Variants in PCDHA7 observed in about 807,000 individuals in gnomAD.
PCDHA7 encodes the protein protocadherin alpha-7.
PCDHA7 carries 37 observed loss-of-function variants against 57.2 expected under a neutral mutation model. The ratio of observed to expected loss-of-function variants is 0.65; its 90% CI spans 0.50 to 0.85. PCDHA7 has a LOEUF of 0.85. PCDHA7 is among the 40% of genes least tolerant of loss of function. PCDHA7 has a pLI of 0.00. For missense variants in PCDHA7, 1,188 were observed against 1,241.8 expected (o/e 0.96, Z 0.65); for synonymous variants, 553 against 558.8 (o/e 0.99, Z 0.15).
intron 1 of PCDHA7, among the ~76,000 whole-genome samples, chr5:140,898,157 G>T (rs1455235992): frequency 2.6e-5 from 4 of 152,162 alleles, no homozygotes; most frequent in African/African-American, 7.2e-5. Flanking sequence ...CACGCTGATG[G>T]TGGTTTCTTT....
At chr5:140,914,542 T>C (rs1323797101) in intron 1 of PCDHA7, among the ~76,000 whole-genome samples, 2 of 152,202 alleles carry the variant, frequency 1.3e-5, no homozygotes, top group Non-Finnish European at 2.9e-5. Context: ...ACTTTATTTC[T>C]TTTTATTGGA....
chr5:140,907,708 C>T (rs1477501652), intron 1 of PCDHA7, among the ~76,000 whole-genome samples: 1 of 152,142 alleles, frequency 6.6e-6, no homozygotes, highest in East Asian at 1.9e-4. Flanking sequence ...TGTTGCTGAG[C>T]CCATGTGTAA....
At chr5:140,926,441 A>T (rs1476576189) in intron 1 of PCDHA7, 1 of 154,800 alleles carries the variant, frequency 6.5e-6, no homozygotes, top group Non-Finnish European at 1.4e-5. Context: ...AGATCTGGGC[A>T]GCCTCAGGGC....
In PCDHA7 at chr5:140,851,928, G is replaced by A. The variant is rs1294571099; in HGVS notation, c.2355+15190G>A. 4.1e-6 allele frequency: 4 copies of A among 965,790 alleles called. 1 individual carries two copies. In the African/African-American group the frequency reaches 7.1e-5, roughly 17 times the overall value. 59.8% of individuals were successfully genotyped at this position (965,790 alleles called of 1,614,324 possible). On this transcript the variant is annotated intron_variant, in intron 1 of 3. Coordinates refer to ENST00000525929, the MANE Select transcript of PCDHA7 (RefSeq NM_018910.3). Reference sequence around the variant, plus strand: ...AATGTCACTACATGTTATGTTTCCTGAATTGTAGTATGTGACTTTCAAAAT... The same window carrying A: ...AATGTCACTACATGTTATGTTTCCTAAATTGTAGTATGTGACTTTCAAAAT...
intron 1 of PCDHA7, chr5:140,869,517 A>G: frequency 6.2e-7 from 1 of 1,614,200 alleles, no homozygotes; most frequent in Non-Finnish European, 8.5e-7. Flanking sequence ...TCAGAGAACA[A>G]AAGCTGCTGA....
At position 140,843,705 on chromosome 5, in the gene PCDHA7, A is replaced by G. The variant is rs1779053094; in HGVS notation, c.2355+6967A>G. ...GAAGAGCAAGATTTAAATGTTGATC[A>G]TGGCCTCAAAGTAAGTCCATTTAAA... On this transcript the variant is annotated intron_variant, in intron 1 of 3. Transcript: ENST00000525929. 5.7e-6 allele frequency: 9 copies of G among 1,579,940 alleles called. No individual in the cohort carries two copies. The African/African-American group carries it at 6.7e-5, about 12-fold the overall frequency.
intron 1 of PCDHA7, chr5:140,841,780 G>T: frequency 6.2e-7 from 1 of 1,613,894 alleles, no homozygotes; most frequent in South Asian, 1.1e-5. Flanking sequence ...CTCGGTTTCC[G>T]CTAGAGGGCG....
intron 1 of PCDHA7, among the ~76,000 whole-genome samples, chr5:140,874,110 C>T (rs115562650): frequency 0.024 from 3,605 of 152,160 alleles, 51 homozygotes; most frequent in Middle Eastern, 0.034. Flanking sequence ...AATTACTTAA[C>T]GTTTTATAGT....
At chr5:141,006,216 A>T (rs6897376) in intron 3 of PCDHA7, among the ~76,000 whole-genome samples, 45,154 of 145,800 alleles carry the variant, frequency 0.31, 6,982 homozygotes, top group East Asian at 0.44. Context: ...ATTTTTTTTT[A>T]AATTTTTTAT....
rs1040454233 is a variant in PCDHA7 at position 140,868,818 on chromosome 5, T to C, written c.2355+32080T>C. On this transcript the variant is annotated intron_variant, in intron 1 of 3. Transcript: ENST00000525929. ...CATAAATAAGCACGTTGGAAATATT[T>C]GGGGGAAGAAACCCAAAACACGTGA... 30 of 385,940 alleles carry C rather than the reference T, an allele frequency of 7.8e-5. No individual in the cohort carries two copies. The East Asian group carries it at 1.3e-3, about 16-fold the overall frequency. 23.9% of individuals were successfully genotyped at this position (385,940 alleles called of 1,614,324 possible).
chr5:140,980,058 A>C (rs1554241393), intron 2 of PCDHA7, among the ~76,000 whole-genome samples: 1 of 152,254 alleles, frequency 6.6e-6, no homozygotes, highest in Non-Finnish European at 1.5e-5. Context: ...ATTCAGAAGC[A>C]ATCAGTGAAG....
rs375481139 is a variant in PCDHA7 at position 140,894,977 on chromosome 5, C to T, written c.2355+58239C>T. ...AAAAATATAATTTTTTAATGTCTTA[C>T]TTTGTGACATCCTTTACCCTTTTTA... On this transcript the variant is annotated intron_variant, in intron 1 of 3. Coordinates refer to ENST00000525929, the MANE Select transcript of PCDHA7 (RefSeq NM_018910.3). Among the ~76,000 whole-genome samples the T allele has an allele frequency of 4.5e-4, 69 of 152,216 alleles. No homozygotes were observed. The South Asian group carries it at 0.014, about 30-fold the overall frequency.
At chr5:140,876,724 G>C (rs140611870) in intron 1 of PCDHA7, 4 of 1,614,128 alleles carry the variant, frequency 2.5e-6, no homozygotes, top group Non-Finnish European at 2.5e-6. Context: ...CCGCGAGAGC[G>C]TGTCGGCCTA....
At chr5:140,840,642 A>G (rs1776791475) in intron 1 of PCDHA7, among the ~76,000 whole-genome samples, 1 of 152,086 alleles carries the variant, frequency 6.6e-6, no homozygotes, top group Non-Finnish European at 1.5e-5. Flanking sequence ...ATATAGAGAA[A>G]TAGTGTAAAG....
intron 1 of PCDHA7, among the ~76,000 whole-genome samples, chr5:140,902,277 A>G (rs1257357376): frequency 1.3e-5 from 2 of 149,170 alleles, no homozygotes; most frequent in African/African-American, 5.0e-5. Flanking sequence ...GGCTCAAGCA[A>G]TCCTCCTGCC....
chr5:140,837,864 A>G (rs1279625431), intron 1 of PCDHA7, among the ~76,000 whole-genome samples: 2 of 151,530 alleles, frequency 1.3e-5, no homozygotes, highest in East Asian at 1.9e-4. Flanking sequence ...ATTTTTGTAG[A>G]GACAGGGTGG....
In PCDHA7 at chr5:140,863,213, A is replaced by C. The variant is rs1554157955; in HGVS notation, c.2355+26475A>C. 2.9e-6 allele frequency: 3 copies of C among 1,051,332 alleles called. No individual in the cohort carries two copies. The South Asian group carries it at 3.7e-5, about 13-fold the overall frequency. The allele number at this position is 1,051,332 out of a possible 1,614,324, so 65.1% of individuals were successfully genotyped here. On this transcript the variant is annotated intron_variant, in intron 1 of 3. Transcript: ENST00000525929. ...GTGGCGTCGCTGGCGGAGAGCAGCC[A>C]AGCGAGGAAGGTCCCATCGCGGGCT... is the stretch of plus-strand genomic sequence containing the variant.
At chr5:140,929,410 C>G (rs2086136493) in intron 1 of PCDHA7, 1 of 1,505,808 alleles carries the variant, frequency 6.6e-7, no homozygotes, top group Non-Finnish European at 8.9e-7. Context: ...ACAAGCCTTT[C>G]ACAACATTTC....
At chr5:140,944,171 GT>G (rs1250322343) in intron 1 of PCDHA7, among the ~76,000 whole-genome samples, 1 of 152,008 alleles carries the variant, frequency 6.6e-6, no homozygotes, top group Non-Finnish European at 1.5e-5. Context: ...GCCAAGGCTG[GT>G]TTTTTGTTGG....
Sources: allele counts gnomAD v4.1 joint callset (sites outside exome capture counted in the v4.1 genomes callset), GRCh38; gene constraint gnomAD v4.1.1; transcripts MANE v1.5; gene names NCBI Gene and HGNC (gene_info 2026-07-23, HGNC 2026-07-21).